Variants in SLIT2 observed in about 807,000 individuals in gnomAD.
The protein encoded by SLIT2 is slit guidance ligand 2, also known as slit homolog 2 protein.
SLIT2 carries 41 observed loss-of-function variants against 185.7 expected under a neutral mutation model. The ratio of observed to expected loss-of-function variants is 0.22; its 90% CI spans 0.17 to 0.29. The LOEUF (loss-of-function observed/expected upper bound fraction) is 0.29. SLIT2 is among the 10% of genes least tolerant of loss of function. The pLI, the probability that SLIT2 is intolerant of heterozygous loss-of-function variation, is 1.00. For synonymous variants in SLIT2, 693 were observed against 680.2 expected, an observed-to-expected ratio of 1.02 and a Z score of -0.29; for missense variants, 1,571 against 1,909.0, an observed-to-expected ratio of 0.82 and a Z score of 3.30.
intron 4 of SLIT2, among the ~76,000 whole-genome samples, chr4:20,333,679 A>G (rs774673375): frequency 6.6e-6 from 1 of 152,184 alleles, no homozygotes; most frequent in Non-Finnish European, 1.5e-5. Context: ...AGCCAGTTCA[A>G]TATGCCAAGA....
intron 4 of SLIT2, among the ~76,000 whole-genome samples, chr4:20,377,149 A>G (rs1440500192): frequency 6.6e-6 from 1 of 152,212 alleles, no homozygotes; most frequent in Non-Finnish European, 1.5e-5. Flanking sequence ...CAAATGGAAC[A>G]TATTAACAAT....
chr4:20,370,903 G>A (rs561573456), intron 4 of SLIT2, among the ~76,000 whole-genome samples: 1 of 152,170 alleles, frequency 6.6e-6, no homozygotes, highest in South Asian at 2.1e-4. Flanking sequence ...TCCTATGCTT[G>A]CCCATTCTCA....
intron 4 of SLIT2, chr4:20,393,427 G>T (rs1006192094): frequency 6.6e-6 from 1 of 152,040 alleles, no homozygotes; most frequent in African/African-American, 2.4e-5. Context: ...ATCTTCTGAC[G>T]AGTGCTGGCA....
In SLIT2 at chr4:20,491,889, A is replaced by G. The variant is rs1405261455; in HGVS notation, c.904A>G (p.Ile302Val). 1.9e-6 allele frequency: 3 copies of G among 1,612,980 alleles called. No homozygotes were observed. Among genetic ancestry groups the G allele is most frequent in the Admixed American group, 1.7e-5 (1 of 59,738 alleles). The change falls in exon 9 of 37, where the codon ATC becomes GTC. Residue 302 changes from isoleucine (I) to valine (V), a missense_variant. By Grantham distance (29) the Ile-to-Val change is conservative. This residue lies in a region of SLIT2 where 1,202 missense variants were observed against 1,416.4 expected (regional missense o/e 0.85). Transcript: ENST00000504154. ...TEIPTNLPET[I>V]TEIRLEQNTI... ...GATCCCCACAAATCTTCCAGAGACC[A>G]TCACAGAAATGTATGTGCCTGAAAT...
intron 18 of SLIT2, among the ~76,000 whole-genome samples, chr4:20,536,297 T>G (rs1722274219): frequency 6.6e-6 from 1 of 152,150 alleles, no homozygotes; most frequent in Non-Finnish European, 1.5e-5. Flanking sequence ...GGCTCACACC[T>G]GTAATTCCAG....
intron 30 of SLIT2, among the ~76,000 whole-genome samples, chr4:20,594,233 A>G (rs559427467): frequency 2.0e-5 from 3 of 149,674 alleles, no homozygotes; most frequent in African/African-American, 7.4e-5. Context: ...ATGTATGTAC[A>G]TGTGTATATA....
chr4:20,262,672 A>T (rs1055769448), intron 3 of SLIT2, among the ~76,000 whole-genome samples: 30 of 151,880 alleles, frequency 2.0e-4, no homozygotes, highest in African/African-American at 7.2e-4. Flanking sequence ...GAGGCTGAGT[A>T]TGCACATAGC....
intron 11 of SLIT2, among the ~76,000 whole-genome samples, chr4:20,518,034 A>G (rs1335921120): frequency 2.0e-5 from 3 of 150,042 alleles, no homozygotes; most frequent in Non-Finnish European, 4.4e-5. Flanking sequence ...ATGGCAAATC[A>G]TCTGCCATCT....
chr4:20,258,346 G>GT (rs1712079842), intron 3 of SLIT2, among the ~76,000 whole-genome samples: 2 of 151,604 alleles, frequency 1.3e-5, no homozygotes, highest in African/African-American at 4.8e-5. Context: ...GGTGCTTTGT[G>GT]TGTTATCAGT....
At chr4:20,399,060 A>G (rs1359025243) in intron 4 of SLIT2, among the ~76,000 whole-genome samples, 1 of 151,712 alleles carries the variant, frequency 6.6e-6, no homozygotes, top group African/African-American at 2.4e-5. Context: ...GTGGTATTCA[A>G]GCAATCTTGT....
chr4:20,570,486 T>A (rs1482223297), intron 29 of SLIT2, among the ~76,000 whole-genome samples: 1 of 151,800 alleles, frequency 6.6e-6, no homozygotes, highest in African/African-American at 2.4e-5. Context: ...GATGGGCTAA[T>A]TTAGACTTCT....
At chr4:20,558,720 A>G (rs2446087) in intron 26 of SLIT2, among the ~76,000 whole-genome samples, 116,399 of 151,684 alleles carry the variant, frequency 0.77, 45,888 homozygotes, top group East Asian at 0.99. Flanking sequence ...AGAATCTCAT[A>G]TACTTAATGT....
chr4:20,501,288 T>G (rs1486687041), intron 9 of SLIT2, among the ~76,000 whole-genome samples: 2 of 152,032 alleles, frequency 1.3e-5, no homozygotes, highest in Non-Finnish European at 2.9e-5. Flanking sequence ...TCATGTTAAT[T>G]TTTTTTGGGG....
intron 4 of SLIT2, among the ~76,000 whole-genome samples, chr4:20,433,103 T>C (rs949333016): frequency 3.3e-5 from 5 of 152,210 alleles, no homozygotes; most frequent in African/African-American, 1.2e-4. Flanking sequence ...TCTGTGTATG[T>C]GTATACCACA....
Position 20,480,737 on chromosome 4 carries a change from C to A in SLIT2, c.489C>A (p.Ile163=). Residue 163 remains isoleucine (I), a synonymous_variant, in exon 6 of 37, where the codon ATC becomes ATA. Coordinates refer to ENST00000504154, the MANE Select transcript of SLIT2 (RefSeq NM_004787.4). ...IKNLQLDYNQ[I]SCIEDGAFRA... ...ACAGGCAACTGGATTACAACCAGAT[C>A]AGCTGTATTGAAGATGGGGCATTCA... The A allele has an allele frequency of 6.2e-7, 1 of 1,613,164 alleles. No homozygotes were observed. Among genetic ancestry groups the A allele is most frequent in the Non-Finnish European group, 8.5e-7 (1 of 1,179,208 alleles).
chr4:20,261,575 G>A (rs1175191879), intron 3 of SLIT2, among the ~76,000 whole-genome samples: 2 of 151,736 alleles, frequency 1.3e-5, no homozygotes, highest in African/African-American at 4.8e-5. Context: ...GTCTTTTAGG[G>A]GGACCCAGAT....
chr4:20,397,614 A>G (rs139615393), intron 4 of SLIT2, among the ~76,000 whole-genome samples: 1,611 of 151,984 alleles, frequency 0.011, 22 homozygotes, highest in East Asian at 0.081. Flanking sequence ...CAAGATGAGC[A>G]TTTCAGGTGT....
chr4:20,612,744 C>T (rs1414552590), intron 34 of SLIT2, among the ~76,000 whole-genome samples: 1 of 151,890 alleles, frequency 6.6e-6, no homozygotes, highest in Non-Finnish European at 1.5e-5. Flanking sequence ...GGTGAAACCC[C>T]GTCTCTACTA....
intron 4 of SLIT2, among the ~76,000 whole-genome samples, chr4:20,379,838 C>A (rs751841837): frequency 6.6e-6 from 1 of 151,970 alleles, no homozygotes; most frequent in Non-Finnish European, 1.5e-5. Context: ...CAAAACAGTG[C>A]GGGGAAGGGG....
Sources: gnomAD v4.1 joint callset for allele counts (sites outside exome capture counted in the v4.1 genomes callset) on GRCh38, gnomAD v4.1.1 for gene constraint, gnomAD v4.1.1 regional missense constraint, MANE v1.5 for transcripts, NCBI Gene and HGNC (gene_info 2026-07-23, HGNC 2026-07-21) for gene names.